FSD1L: variants seen among roughly 807,000 people sequenced by gnomAD.
FSD1L encodes the protein FSD1-like protein.
A neutral mutation model predicts 71.6 loss-of-function variants in FSD1L; 45 were observed. The ratio of observed to expected loss-of-function variants is 0.63; its 90% CI spans 0.49 to 0.81. The LOEUF is 0.81. Among genes scored for constraint, FSD1L ranks in the 30% least tolerant of loss-of-function variants. The probability of loss-of-function intolerance (pLI) is 0.00; values close to 1 mark genes in which losing one functional copy is unlikely to be tolerated. For synonymous variants in FSD1L, 197 were observed against 207.2 expected, an observed-to-expected ratio of 0.95 and a Z score of 0.42; for missense variants, 561 against 618.1, an observed-to-expected ratio of 0.91 and a Z score of 0.98.
At chr9:105,527,831 A>G (rs910712305) in intron 10 of FSD1L, among the ~76,000 whole-genome samples, 2 of 152,180 alleles carry the variant, frequency 1.3e-5, no homozygotes, top group Admixed American at 1.3e-4. Flanking sequence ...AGCGTATTCA[A>G]ATAGGAAGAG....
chr9:105,525,347 G>T (rs1040579974), intron 10 of FSD1L: 1 of 1,592,154 alleles, frequency 6.3e-7, no homozygotes, highest in African/African-American at 1.4e-5. Flanking sequence ...CAGAGAACTG[G>T]AATCTCACTT....
chr9:105,495,515 C>T (rs936057063), intron 7 of FSD1L, among the ~76,000 whole-genome samples: 3 of 152,178 alleles, frequency 2.0e-5, no homozygotes, highest in Non-Finnish European at 2.9e-5. Context: ...CACTGTCCTG[C>T]GCCCACTGTC....
intron 7 of FSD1L, among the ~76,000 whole-genome samples, chr9:105,486,533 TCTTA>T (rs1832560329): frequency 6.6e-6 from 1 of 152,184 alleles, no homozygotes; most frequent in African/African-American, 2.4e-5. Context: ...ATGTGAACTT[TCTTA>T]CTTAAGAAAG....
chr9:105,467,161 GT>G (rs1376964222), intron 3 of FSD1L, among the ~76,000 whole-genome samples: 5 of 152,254 alleles, frequency 3.3e-5, no homozygotes, highest in African/African-American at 9.6e-5. Context: ...CACTTCTATA[GT>G]TGTTCTTACT....
In FSD1L at chr9:105,512,867, G is replaced by A. The variant is rs1177467167; in HGVS notation, c.956G>A (p.Cys319Tyr). The change falls in exon 10 of 14, where the codon TGT becomes TAT. Residue 319 changes from cysteine (C) to tyrosine (Y), a missense_variant. Transcript: ENST00000481272. ...SHLNLKVEDT[C>Y]VEWDPTGGKG... ...TTGAACCTGAAAGTTGAAGATACATGTGTAGAGTGGGATCCTACTGGAGGA... is the reference window on the plus strand; with the variant it reads ...TTGAACCTGAAAGTTGAAGATACATATGTAGAGTGGGATCCTACTGGAGGA... 1.9e-6 allele frequency: 3 copies of A among 1,542,740 alleles called. No individual in the cohort carries two copies. The highest frequency in any genetic ancestry group is 1.2e-5 in the South Asian group (1 of 82,594).
At chr9:105,522,062 G>C (rs1270372625) in intron 10 of FSD1L, 1 of 1,612,996 alleles carries the variant, frequency 6.2e-7, no homozygotes, top group African/African-American at 1.3e-5. Flanking sequence ...CTTTTCTACA[G>C]TTCCAAGGGA....
chr9:105,517,211 G>T (rs935126270), intron 10 of FSD1L, among the ~76,000 whole-genome samples: 2 of 152,212 alleles, frequency 1.3e-5, no homozygotes, highest in African/African-American at 2.4e-5. Flanking sequence ...TGGTGTACCT[G>T]AAAGTGATGG....
At chr9:105,542,849 C>G (rs1836718995) in intron 13 of FSD1L, among the ~76,000 whole-genome samples, 1 of 152,170 alleles carries the variant, frequency 6.6e-6, no homozygotes, top group African/African-American at 2.4e-5. Context: ...TTTGCATTTT[C>G]ATTTTCTGAA....
chr9:105,453,208 G>A (rs953167915), intron 1 of FSD1L, among the ~76,000 whole-genome samples: 4 of 151,926 alleles, frequency 2.6e-5, no homozygotes, highest in African/African-American at 9.7e-5. Flanking sequence ...TTGAGACAGA[G>A]TCTTGCTCTG....
intron 12 of FSD1L, among the ~76,000 whole-genome samples, chr9:105,538,714 T>C (rs993433430): frequency 6.6e-6 from 1 of 152,122 alleles, no homozygotes; most frequent in Non-Finnish European, 1.5e-5. Context: ...AGGTGGAGGA[T>C]TGCTTGAGCT....
intron 10 of FSD1L, among the ~76,000 whole-genome samples, chr9:105,533,436 T>TTTTTTTTTTTTTTTC (rs1372707177): frequency 7.9e-6 from 1 of 125,840 alleles, no homozygotes; most frequent in African/African-American, 3.0e-5. Context: ...TTTTTTTTTT[T>TTTTTTTTTTTTTTTC]TTTTGAGATG....
chr9:105,524,770 C>T (rs1835402110), intron 10 of FSD1L: 16 of 1,605,742 alleles, frequency 1.0e-5, no homozygotes, highest in Admixed American at 1.7e-5. Context: ...TCTATAGCAG[C>T]CCGCACTGTT....
chr9:105,508,674 T>C lies in FSD1L; in HGVS notation c.854T>C (p.Val285Ala). 2 of 1,551,522 alleles carry C rather than the reference T, an allele frequency of 1.3e-6. No homozygotes were observed. Among genetic ancestry groups the C allele is most frequent in the African/African-American group, 1.4e-5 (1 of 73,168 alleles). ...NFRVRACNKAVAGEYSDPVTL... is the reference protein window; with the variant it reads ...NFRVRACNKAAAGEYSDPVTL... The stretch of plus-strand genomic sequence containing the variant: ...AGAGTGCGAGCTTGTAACAAGGCTG[T>C]GGCTGGAGAGTATTCTGATCCAGTG... The change falls in exon 9 of 14, where the codon GTG (valine) becomes GCG (alanine). Residue 285 changes from valine to alanine, a missense_variant. Coordinates refer to ENST00000481272, the MANE Select transcript of FSD1L (RefSeq NM_001145313.3).
At position 105,487,424 on chromosome 9, in the gene FSD1L, G is replaced by GT. The variant is rs1157607762; in HGVS notation, c.586+2934dup. Among the ~76,000 whole-genome samples the GT allele has an allele frequency of 8.4e-3, 1,206 of 143,824 alleles. 20 individuals carry two copies. The highest frequency in any genetic ancestry group is 0.026 in the African/African-American group (1,040 of 39,672). The allele number at this position is 143,824 out of a possible 152,430, so 94.4% of individuals were successfully genotyped here. A position where few individuals can be genotyped will look rare whatever the true frequency, so the allele number is the denominator to read the frequency against. On this transcript the variant is annotated intron_variant, in intron 7 of 13. Coordinates refer to ENST00000481272, the MANE Select transcript of FSD1L (RefSeq NM_001145313.3). Reference sequence around the variant, plus strand: ...ATACTGCTGCAAACACTGCTGTCAGGTTTTTTTTTTTTCCTATTCTAATAG... The same window carrying GT: ...ATACTGCTGCAAACACTGCTGTCAGGTTTTTTTTTTTTTCCTATTCTAATAG...
At chr9:105,470,410 G>C (rs1383678700) in intron 4 of FSD1L, among the ~76,000 whole-genome samples, 1 of 151,980 alleles carries the variant, frequency 6.6e-6, no homozygotes, top group Non-Finnish European at 1.5e-5. Context: ...CTTTATTTTT[G>C]TTGTATATTT....
intron 5 of FSD1L, among the ~76,000 whole-genome samples, chr9:105,473,519 C>G (rs1831606885): frequency 6.6e-6 from 1 of 152,164 alleles, no homozygotes; most frequent in South Asian, 2.1e-4. Flanking sequence ...GATACTGCTA[C>G]TATTTTCAGT....
chr9:105,519,045 C>G (rs924150671), intron 10 of FSD1L, among the ~76,000 whole-genome samples: 6 of 152,220 alleles, frequency 3.9e-5, no homozygotes, highest in Admixed American at 6.5e-5. Context: ...TGCAAATAAA[C>G]TAGAAAATCT....
chr9:105,529,922 G>C (rs1051059033), intron 10 of FSD1L, among the ~76,000 whole-genome samples: 17 of 151,864 alleles, frequency 1.1e-4, no homozygotes, highest in African/African-American at 3.6e-4. Context: ...AAAATGTATG[G>C]TTGTTAGACT....
intron 10 of FSD1L, among the ~76,000 whole-genome samples, chr9:105,516,699 C>T (rs571161682): frequency 6.6e-6 from 1 of 152,330 alleles, no homozygotes; most frequent in African/African-American, 2.4e-5. Flanking sequence ...AAGGTAGACA[C>T]ATCCACAAAG....
Sources: allele counts gnomAD v4.1 joint callset (sites outside exome capture counted in the v4.1 genomes callset), GRCh38; gene constraint gnomAD v4.1.1; transcripts MANE v1.5; gene names NCBI Gene and HGNC (gene_info 2026-07-23, HGNC 2026-07-21).